Variants in ATRNL1 observed in about 807,000 individuals in gnomAD.
The protein encoded by ATRNL1 is attractin like 1, also known as attractin-like protein 1.
Under a neutral mutation model 182.7 loss-of-function variants are expected in ATRNL1, and 95 were observed. The observed-to-expected ratio is 0.52, with a 90% CI of 0.44 to 0.62. The LOEUF (loss-of-function observed/expected upper bound fraction) is 0.62. Among genes scored for constraint, ATRNL1 ranks in the 20% least tolerant of loss-of-function variants. The pLI, the probability that ATRNL1 is intolerant of heterozygous loss-of-function variation, is 0.00. For missense variants in ATRNL1, 1,471 were observed against 1,679.5 expected (o/e 0.88, Z 2.17); for synonymous variants, 576 against 568.3 (o/e 1.01, Z -0.19).
At chr10:115,929,635 A>G (rs981790747) in intron 28 of ATRNL1, among the ~76,000 whole-genome samples, 1 of 152,040 alleles carries the variant, frequency 6.6e-6, no homozygotes, top group East Asian at 1.9e-4. Context: ...TTCACGGAGG[A>G]CCATTATAAT....
At chr10:115,761,443 G>A (rs1948733077) in intron 27 of ATRNL1, among the ~76,000 whole-genome samples, 1 of 133,698 alleles carries the variant, frequency 7.5e-6, no homozygotes, top group Non-Finnish European at 1.6e-5. Flanking sequence ...TGTGTATGGT[G>A]GAGACACAAA....
intron 19 of ATRNL1, among the ~76,000 whole-genome samples, chr10:115,392,728 C>G (rs1381179760): frequency 6.6e-6 from 1 of 152,094 alleles, no homozygotes; most frequent in East Asian, 1.9e-4. Context: ...CTTGACCTTT[C>G]TAGATGCAAT....
intron 1 of ATRNL1, among the ~76,000 whole-genome samples, chr10:115,094,338 C>A (rs1225230069): frequency 6.6e-6 from 1 of 152,184 alleles, no homozygotes. Flanking sequence ...TCAGCACGAA[C>A]ATTTTCACAA....
At chr10:115,708,545 T>G (rs1946969283) in intron 26 of ATRNL1, among the ~76,000 whole-genome samples, 1 of 151,812 alleles carries the variant, frequency 6.6e-6, no homozygotes, top group Non-Finnish European at 1.5e-5. Context: ...GCTAAGATCT[T>G]TGTATAGGAA....
chr10:115,215,453 A>T (rs1849191646), intron 8 of ATRNL1, among the ~76,000 whole-genome samples: 1 of 152,292 alleles, frequency 6.6e-6, no homozygotes, highest in Middle Eastern at 3.4e-3. Context: ...AACACATAAA[A>T]TGTTCTTTTT....
chr10:115,503,550 G>A (rs1412824955), intron 24 of ATRNL1, among the ~76,000 whole-genome samples: 2 of 145,036 alleles, frequency 1.4e-5, no homozygotes, highest in Non-Finnish European at 2.9e-5. Flanking sequence ...AATTTATTGA[G>A]TAAATCAATC....
chr10:115,579,983 A>G (rs1230106294), intron 26 of ATRNL1, among the ~76,000 whole-genome samples: 2 of 152,164 alleles, frequency 1.3e-5, no homozygotes, highest in African/African-American at 4.8e-5. Context: ...GCATGCCAGA[A>G]TTCACTGCTT....
chr10:115,522,619 A>G (rs150912299), intron 25 of ATRNL1, among the ~76,000 whole-genome samples: 2 of 152,292 alleles, frequency 1.3e-5, no homozygotes, highest in Non-Finnish European at 2.9e-5. Context: ...CATACAAAAT[A>G]TAATCATTTA....
chr10:115,329,053 A>T (rs1350702645), intron 18 of ATRNL1, among the ~76,000 whole-genome samples: 1 of 151,900 alleles, frequency 6.6e-6, no homozygotes, highest in African/African-American at 2.4e-5. Context: ...ACTGTTTTTG[A>T]TGTACCAATT....
At chr10:115,186,829 T>G (rs1019618202) in intron 8 of ATRNL1, among the ~76,000 whole-genome samples, 2 of 152,082 alleles carry the variant, frequency 1.3e-5, no homozygotes, top group Admixed American at 6.6e-5. Context: ...AATAATACAG[T>G]AGAATTGGAT....
chr10:115,415,345 C>T (rs73365481), intron 20 of ATRNL1, among the ~76,000 whole-genome samples: 10,035 of 151,884 alleles, frequency 0.066, 1,089 homozygotes, highest in African/African-American at 0.23. Context: ...TGAATTGTCT[C>T]TTCATGTATT....
intron 1 of ATRNL1, among the ~76,000 whole-genome samples, chr10:115,098,453 CTTTTTTT>C (rs71010006): frequency 5.0e-5 from 4 of 80,752 alleles, no homozygotes; most frequent in Admixed American, 1.7e-4. Context: ...ATACTAGTTT[CTTTTTTT>C]TTTTTTTTTT....
chr10:115,552,793 C>T lies in ATRNL1; in HGVS notation c.3795+3257C>T, dbSNP rs571247366. ...TTGATATGACCCCTTCATACACTAA[C>T]CCCAAACAAATTTCTGTGGTGTTAA... On this transcript the variant is annotated intron_variant, in intron 26 of 28. Transcript: ENST00000355044. Among the ~76,000 whole-genome samples, 17 of 151,286 alleles carry T rather than the reference C, an allele frequency of 1.1e-4. No individual in the cohort carries two copies. The East Asian group carries it at 3.3e-3, about 29-fold the overall frequency.
intron 19 of ATRNL1, among the ~76,000 whole-genome samples, chr10:115,373,386 T>C (rs1349793567): frequency 2.0e-5 from 3 of 152,080 alleles, no homozygotes; most frequent in Non-Finnish European, 4.4e-5. Context: ...TGGCTAGGAC[T>C]TCCAGTATTA....
At chr10:115,507,262 C>G (rs1850160962) in intron 24 of ATRNL1, among the ~76,000 whole-genome samples, 1 of 151,996 alleles carries the variant, frequency 6.6e-6, no homozygotes, top group African/African-American at 2.4e-5. Flanking sequence ...CAGGTTGGCT[C>G]TAGGCAGTTC....
At chr10:115,652,401 T>A (rs1860069240) in intron 26 of ATRNL1, among the ~76,000 whole-genome samples, 1 of 152,126 alleles carries the variant, frequency 6.6e-6, no homozygotes, top group Admixed American at 6.6e-5. Context: ...TATAAAATTC[T>A]TGCACTGACC....
intron 27 of ATRNL1, among the ~76,000 whole-genome samples, chr10:115,785,723 A>G (rs527787291): frequency 1.6e-4 from 24 of 152,362 alleles, no homozygotes; most frequent in African/African-American, 5.8e-4. Flanking sequence ...TTCCCAAATC[A>G]TAAAGTGCTG....
At chr10:115,730,253 CAAAAAAAAAAAAAAAA>C (rs535690432) in intron 27 of ATRNL1, among the ~76,000 whole-genome samples, 10 of 61,418 alleles carry the variant, frequency 1.6e-4, no homozygotes, top group Admixed American at 2.6e-4. Context: ...TAGGACTCCT[CAAAAAAAAAAAAAAAA>C]AAAAAAAAAA....
At chr10:115,253,519 C>G (rs1032244831) in intron 10 of ATRNL1, among the ~76,000 whole-genome samples, 8 of 152,062 alleles carry the variant, frequency 5.3e-5, no homozygotes, top group Non-Finnish European at 1.2e-4. Context: ...CAGAAATATC[C>G]AAACTTCAGA....
Sources: allele counts gnomAD v4.1 joint callset (sites outside exome capture counted in the v4.1 genomes callset), GRCh38; gene constraint gnomAD v4.1.1; transcripts MANE v1.5; gene names NCBI Gene and HGNC (gene_info 2026-07-23, HGNC 2026-07-21).